The following KLF12 variants were observed in gnomAD, a reference collection of about 807,000 sequenced individuals.
KLF12 encodes the protein KLF transcription factor 12.
A neutral mutation model predicts 37.8 loss-of-function variants in KLF12; 9 were observed. The ratio of observed to expected loss-of-function variants is 0.24; its 90% CI spans 0.14 to 0.42. KLF12 has a LOEUF of 0.42. KLF12 is among the 10% of genes least tolerant of loss of function. The pLI is 1.00. For synonymous variants in KLF12, 208 were observed against 202.1 expected (o/e 1.03, Z -0.25); for missense variants, 411 against 516.0 (o/e 0.80, Z 1.97).
At chr13:73,843,420 G>A (rs1884849066) in intron 4 of KLF12, among the ~76,000 whole-genome samples, 1 of 151,800 alleles carries the variant, frequency 6.6e-6, no homozygotes, top group South Asian at 2.1e-4. Flanking sequence ...TGATTCTCCT[G>A]CCTCAGCCTC....
At chr13:74,267,478 G>A in the KLF12 span, among the ~76,000 whole-genome samples, 1 of 152,186 alleles carries the variant, frequency 6.6e-6, no homozygotes, top group Non-Finnish European at 1.5e-5. Flanking sequence ...AAAAAGCTAG[G>A]TACAGAAAGA....
intron 3 of KLF12, among the ~76,000 whole-genome samples, chr13:73,863,674 G>A (rs1886038674): frequency 6.6e-6 from 1 of 152,088 alleles, no homozygotes; most frequent in Admixed American, 6.5e-5. Context: ...ATAGTATACT[G>A]TAGGGTCAAA....
intron 5 of KLF12, among the ~76,000 whole-genome samples, chr13:73,791,116 G>A (rs554148584): frequency 2.6e-5 from 4 of 152,156 alleles, no homozygotes; most frequent in African/African-American, 7.2e-5. Flanking sequence ...TCTTCACTTC[G>A]TGTTTAAGCT....
chr13:73,945,088 T>G (rs79319689), intron 2 of KLF12, among the ~76,000 whole-genome samples: 2 of 152,332 alleles, frequency 1.3e-5, no homozygotes, highest in Non-Finnish European at 2.9e-5. Context: ...ATATTTTGCC[T>G]ACCTGGTGAA....
At chr13:74,151,921 A>T in the KLF12 span, among the ~76,000 whole-genome samples, 3 of 152,214 alleles carry the variant, frequency 2.0e-5, no homozygotes, top group African/African-American at 4.8e-5. Flanking sequence ...AACATGTTAA[A>T]AAATGCACGT....
chr13:73,924,162 A>G (rs1012029462), intron 3 of KLF12, among the ~76,000 whole-genome samples: 1 of 152,252 alleles, frequency 6.6e-6, no homozygotes, highest in Non-Finnish European at 1.5e-5. Context: ...TTTAAATTAC[A>G]AAGTACATAA....
At chr13:73,743,430 T>C (rs1251319075) in intron 6 of KLF12, among the ~76,000 whole-genome samples, 2 of 152,218 alleles carry the variant, frequency 1.3e-5, no homozygotes, top group Admixed American at 1.3e-4. Context: ...GTCTGATCAG[T>C]GCTATCTTAT....
chr13:74,009,818 C>G (rs115910214), intron 1 of KLF12, among the ~76,000 whole-genome samples: 2,152 of 152,322 alleles, frequency 0.014, 37 homozygotes, highest in African/African-American at 0.048. Context: ...AAGTTTTAAC[C>G]AGGAGCCACT....
In KLF12 at chr13:74,057,693, G is replaced by A. The variant is rs185802442; in HGVS notation, c.-31-62640C>T. The stretch of plus-strand genomic sequence containing the variant: ...ATGAAATTATTCAACTATTTTAAAA[G>A]AGAATATATTATCAGCTCTTAAAAT... On this transcript the variant is annotated intron_variant, in intron 1 of 7. Transcript: ENST00000377669. Among the ~76,000 whole-genome samples the A allele has an allele frequency of 8.7e-4, 132 of 152,192 alleles. 1 individual carries two copies. Among genetic ancestry groups the A allele is most frequent in the Middle Eastern group, 3.4e-3 (1 of 294 alleles).
At chr13:74,183,212 G>A in the KLF12 span, among the ~76,000 whole-genome samples, 2 of 152,094 alleles carry the variant, frequency 1.3e-5, no homozygotes, top group Admixed American at 1.3e-4. Flanking sequence ...TATGACATAT[G>A]GTTCATGTCT....
At chr13:73,886,098 A>G (rs1887212418) in intron 3 of KLF12, among the ~76,000 whole-genome samples, 1 of 152,136 alleles carries the variant, frequency 6.6e-6, no homozygotes, top group African/African-American at 2.4e-5. Context: ...GTACATCACA[A>G]AGGCAGTTTC....
At chr13:74,158,844 T>C in the KLF12 span, among the ~76,000 whole-genome samples, 494 of 152,224 alleles carry the variant, frequency 3.2e-3, 1 homozygote, top group African/African-American at 0.011. Flanking sequence ...AATGACTAAA[T>C]GGAAAACTAC....
At chr13:74,142,230 C>A in the KLF12 span, among the ~76,000 whole-genome samples, 1 of 152,162 alleles carries the variant, frequency 6.6e-6, no homozygotes, top group African/African-American at 2.4e-5. Flanking sequence ...TCCTTCCACT[C>A]CATGAATTTA....
At chr13:74,299,578 G>T in the KLF12 span, among the ~76,000 whole-genome samples, 1 of 152,076 alleles carries the variant, frequency 6.6e-6, no homozygotes, top group Non-Finnish European at 1.5e-5. Flanking sequence ...ATGGAATTCA[G>T]GTTTCTTTAC....
chr13:74,036,354 ATAAACT>A (rs921025522), intron 1 of KLF12, among the ~76,000 whole-genome samples: 1 of 152,156 alleles, frequency 6.6e-6, no homozygotes, highest in African/African-American at 2.4e-5. Context: ...TTGATTGTTA[ATAAACT>A]GGAACAGGGA....
chr13:73,733,760 C>T (rs188854977), intron 6 of KLF12, among the ~76,000 whole-genome samples: 1 of 152,196 alleles, frequency 6.6e-6, no homozygotes, highest in African/African-American at 2.4e-5. Flanking sequence ...GCTGCTGCAC[C>T]CTTTTACATT....
chr13:74,297,979 T>A, the KLF12 span, among the ~76,000 whole-genome samples: 3 of 152,232 alleles, frequency 2.0e-5, no homozygotes, highest in Admixed American at 6.5e-5. Flanking sequence ...ACATTATGAA[T>A]GTCTCTATTT....
chr13:74,169,252 C>A, the KLF12 span, among the ~76,000 whole-genome samples: 6 of 152,092 alleles, frequency 3.9e-5, no homozygotes, highest in African/African-American at 1.4e-4. Context: ...TTTGTGGCTG[C>A]AAGAGTTCTG....
At chr13:74,278,412 A>T in the KLF12 span, among the ~76,000 whole-genome samples, 1 of 152,092 alleles carries the variant, frequency 6.6e-6, no homozygotes, top group African/African-American at 2.4e-5. Flanking sequence ...CCTTATCTCC[A>T]TCTAAATTCT....
Sources: allele counts gnomAD v4.1 joint callset (sites outside exome capture counted in the v4.1 genomes callset), GRCh38; gene constraint gnomAD v4.1.1; transcripts MANE v1.5; gene names NCBI Gene and HGNC (gene_info 2026-07-23, HGNC 2026-07-21).